The following LMAN1L variants were observed in gnomAD, a reference collection of about 807,000 sequenced individuals.
LMAN1L encodes protein ERGIC-53-like.
Under a neutral mutation model 58.3 loss-of-function variants are expected in LMAN1L, and 60 were observed. The ratio of observed to expected loss-of-function variants is 1.03; its 90% CI spans 0.84 to 1.27. LMAN1L has a LOEUF of 1.27. Among genes scored for constraint, LMAN1L ranks in the 50% most tolerant of loss-of-function variants. The pLI is 0.00. For missense variants in LMAN1L, 629 were observed against 674.0 expected, an observed-to-expected ratio of 0.93 and a Z score of 0.74; for synonymous variants, 280 against 271.6, an observed-to-expected ratio of 1.03 and a Z score of -0.31.
At position 74,816,153 on chromosome 15, in the gene LMAN1L, A is replaced by G; in HGVS notation, c.176-4A>G. 2 of 1,546,858 alleles carry G rather than the reference A, an allele frequency of 1.3e-6. No homozygotes were observed. The highest frequency in any genetic ancestry group is 8.7e-7 in the Non-Finnish European group (1 of 1,146,394). ...CCTGGGGCTTGAGCTGCCCTTGTCC[A>G]CAGACGCCATCCTGGGCCTGGAGGA... is the stretch of plus-strand genomic sequence containing the variant. On this transcript the variant is annotated splice_polypyrimidine_tract_variant and splice_region_variant and intron_variant, in intron 1 of 13. Coordinates refer to ENST00000309664, the MANE Select transcript of LMAN1L (RefSeq NM_021819.3).
chr15:74,820,667 G>C lies in LMAN1L; in HGVS notation c.807G>C (p.Gln269His). Residue 269 changes from glutamine to histidine, a missense_variant, in exon 8 of 14, where the codon CAG becomes CAC. Gln to His is a conservative substitution (Grantham distance 24). Transcript: ENST00000309664. ...VPPQPFLEMQ[Q>H]LRLARQLEGL... ...CTCAGCCCTTCCTGGAGATGCAGCA[G>C]CTCCGCCTGGCGAGGCAGCTGGAAG... 2.5e-6 allele frequency: 4 copies of C among 1,614,026 alleles called. No individual in the cohort carries two copies. Among genetic ancestry groups the C allele is most frequent in the Non-Finnish European group, 3.4e-6 (4 of 1,180,004 alleles).
rs771603140 is a variant in LMAN1L at position 74,823,546 on chromosome 15, C to T, written c.1200-13C>T. ...GTAATGAGTCATCTTACTTGGTTAC[C>T]ACCCCCGGTTAGGGATGCAGCTGTC... is the stretch of plus-strand genomic sequence containing the variant. On this transcript the variant is annotated splice_polypyrimidine_tract_variant and intron_variant, in intron 11 of 13. Coordinates refer to ENST00000309664, the MANE Select transcript of LMAN1L (RefSeq NM_021819.3). The T allele has an allele frequency of 6.2e-7, 1 of 1,613,316 alleles. No homozygotes were observed. The highest frequency in any genetic ancestry group is 8.5e-7 in the Non-Finnish European group (1 of 1,179,714).
chr15:74,816,373 C>G, intron 2 of LMAN1L, 54 bp from the exon 3 acceptor site: 2 of 1,598,296 alleles, frequency 1.3e-6, no homozygotes, highest in Admixed American at 1.7e-5. Flanking sequence ...TGATGAGCCC[C>G]GGGGTCCCAG....
intron 4 of LMAN1L, among the ~76,000 whole-genome samples, chr15:74,818,097 G>A (rs1490617284): frequency 2.0e-5 from 3 of 152,010 alleles, no homozygotes; most frequent in African/African-American, 7.2e-5. Context: ...GGGGAATGGA[G>A]GGCAGAAACT....
At chr15:74,820,012 G>A in intron 6 of LMAN1L, 32 bp from the exon 7 acceptor site, 1 of 1,604,108 alleles carries the variant, frequency 6.2e-7, no homozygotes, top group Non-Finnish European at 8.5e-7. Context: ...GGGTGGAGGG[G>A]TCTTACTTCT....
intron 1 of LMAN1L, among the ~76,000 whole-genome samples, chr15:74,815,594 T>G (rs2063887105): frequency 6.6e-6 from 1 of 152,224 alleles, no homozygotes; most frequent in African/African-American, 2.4e-5. Context: ...TTCCTCACCT[T>G]GGAATGCCCC....
chr15:74,816,719 C>T (rs1261255523), intron 4 of LMAN1L, 29 bp downstream of exon 4: 4 of 1,606,026 alleles, frequency 2.5e-6, no homozygotes, highest in Admixed American at 1.7e-5. Context: ...TGACCACTCA[C>T]CTCCATTTTT....
chr15:74,819,841 G>A, intron 6 of LMAN1L: 1 of 626,794 alleles, frequency 1.6e-6, no homozygotes, highest in Non-Finnish European at 2.9e-6. Flanking sequence ...CTCTGACTGA[G>A]TGTGAGGTTC....
rs1269389153 is a variant in LMAN1L, at chr15:74,819,501, AG to A, written c.718+230del. 2.5e-5 allele frequency: 14 copies of A among 559,444 alleles called. No individual in the cohort carries two copies. In the East Asian group the frequency reaches 2.8e-4, roughly 11 times the overall value. 34.7% of individuals were successfully genotyped at this position (559,444 alleles called of 1,614,324 possible). A position where few individuals can be genotyped will look rare whatever the true frequency, so the allele number is the denominator to read the frequency against. ...GGCCACATAAGTGCCCCTAGCTGTG[AG>A]TTGCGGGACAAGTGGAAGACAGACA... On this transcript the variant is annotated intron_variant, in intron 6 of 13. Coordinates refer to ENST00000309664, the MANE Select transcript of LMAN1L (RefSeq NM_021819.3).
intron 10 of LMAN1L, 41 bp downstream of exon 10, chr15:74,821,941 A>T: frequency 7.1e-7 from 1 of 1,403,480 alleles, no homozygotes; most frequent in Non-Finnish European, 1.0e-6. Flanking sequence ...CACTGGCCCC[A>T]GCTTGGCTGG....
intron 13 of LMAN1L, 58 bp downstream of exon 13, chr15:74,824,536 A>G: frequency 1.9e-6 from 3 of 1,600,534 alleles, no homozygotes; most frequent in South Asian, 2.2e-5. Context: ...GTTCTCAGCT[A>G]TAACCATTGG....
At chr15:74,813,829 T>TA (rs1219754759) in intron 1 of LMAN1L, among the ~76,000 whole-genome samples, 4 of 152,134 alleles carry the variant, frequency 2.6e-5, no homozygotes, top group African/African-American at 9.7e-5. Context: ...TTTCTGTCTA[T>TA]AAAATGTGAG....
rs747938285 is a variant in LMAN1L at position 74,820,785 on chromosome 15, G to T, written c.907+18G>T. On this transcript the variant is annotated intron_variant, in intron 8 of 13. Transcript: ENST00000309664. ...AGGAGAAGGTAGGGACCGAGAGAGC[G>T]GGCAGGTGGCGCCCATCTGAGTGTC... The T allele has an allele frequency of 6.2e-7, 1 of 1,602,252 alleles. No homozygotes were observed. Among genetic ancestry groups the T allele is most frequent in the African/African-American group, 1.3e-5 (1 of 74,598 alleles).
chr15:74,823,530 C>G, intron 11 of LMAN1L, 29 bp from the exon 12 acceptor site: 1 of 1,612,264 alleles, frequency 6.2e-7, no homozygotes, highest in Non-Finnish European at 8.5e-7. Flanking sequence ...GGTAATGAGT[C>G]ATCTTACTTG....
chr15:74,813,032 G>A lies in LMAN1L; in HGVS notation c.175+3G>A, dbSNP rs1019127901. ...ACCCTTCTGGAGCCATCATGGAGGT[G>A]AGGGGCAGGGGTGGGGACCAGCTAT... is the stretch of plus-strand genomic sequence containing the variant. On this transcript the variant is annotated splice_donor_region_variant and intron_variant, in intron 1 of 13. Transcript: ENST00000309664. The A allele has an allele frequency of 9.9e-6, 16 of 1,610,346 alleles. No homozygotes were observed. The highest frequency in any genetic ancestry group is 1.2e-5 in the Non-Finnish European group (14 of 1,178,030).
Position 74,825,654 on chromosome 15 carries a change from G to A in LMAN1L, c.*49G>A. 1 of 1,581,598 alleles carries A rather than the reference G, an allele frequency of 6.3e-7. No individual in the cohort carries two copies. Among genetic ancestry groups the A allele is most frequent in the Non-Finnish European group, 8.6e-7 (1 of 1,160,342 alleles). On this transcript the variant is annotated 3_prime_UTR_variant, in exon 14 of 14. Transcript: ENST00000309664. The stretch of plus-strand genomic sequence containing the variant: ...TCACTGGGAAGCAGGCAGTGTCTTG[G>A]GTGGGGGCTTGGTCAGTATCCTCTC...
At position 74,825,579 on chromosome 15, in the gene LMAN1L, C is replaced by G. The variant is rs201085437; in HGVS notation, c.1555C>G (p.Pro519Ala). 2.2e-4 allele frequency: 362 copies of G among 1,612,536 alleles called. 2 individuals carry two copies. In the Admixed American group the frequency reaches 5.9e-3, roughly 26 times the overall value. The change falls in exon 14 of 14, where the codon CCT (proline) becomes GCT (alanine). Residue 519 changes from proline to alanine, a missense_variant. Physicochemically the swap from Pro to Ala is conservative, Grantham distance 27 (BLOSUM62 -1). Around this residue, in one of 3 missense-constraint regions of LMAN1L, gnomAD observed 53 missense variants for 59.7 expected, o/e 0.89. Transcript: ENST00000309664. Reference sequence around the variant, plus strand: ...GGCCCTGGGGATTCTGAGGAGGCAGCCTCTCCCTGCCAGCATGCCTGCCTG... The same window carrying G: ...GGCCCTGGGGATTCTGAGGAGGCAGGCTCTCCCTGCCAGCATGCCTGCCTG... ...PRALGILRRQPLPASMPA is the reference protein window; with the variant it reads ...PRALGILRRQALPASMPA
chr15:74,816,545 G>C lies in LMAN1L; in HGVS notation c.438+11G>C, dbSNP rs377071600. On this transcript the variant is annotated intron_variant, in intron 3 of 13. Transcript: ENST00000309664. ...GCAGAGGATACTCAGGTGCGTAGTGGTCTCCTGCCTGCCAGCCCGCCTGCC... is the reference window on the plus strand; with the variant it reads ...GCAGAGGATACTCAGGTGCGTAGTGCTCTCCTGCCTGCCAGCCCGCCTGCC... The C allele has an allele frequency of 7.0e-6, 11 of 1,573,854 alleles. No homozygotes were observed. The highest frequency in any genetic ancestry group is 9.5e-6 in the Non-Finnish European group (11 of 1,157,712).
At chr15:74,823,880 T>G in intron 12 of LMAN1L, 198 bp downstream of exon 12, 1 of 609,900 alleles carries the variant, frequency 1.6e-6, no homozygotes, top group East Asian at 2.8e-5. Context: ...ATCTTTTCTC[T>G]GTCCTCTCTC....
Sources: gnomAD v4.1 joint callset for allele counts (sites outside exome capture counted in the v4.1 genomes callset) on GRCh38, gnomAD v4.1.1 for gene constraint, gnomAD v4.1.1 regional missense constraint, MANE v1.5 for transcripts, NCBI Gene and HGNC (gene_info 2026-07-23, HGNC 2026-07-21) for gene names.